ACAD11: variants seen among roughly 807,000 people sequenced by gnomAD.
ACAD11 encodes acyl-Coenzyme A dehydrogenase family, member 11.
A neutral mutation model predicts 102.2 loss-of-function variants in ACAD11; 83 were observed. The observed-to-expected ratio is 0.81, with a 90% CI of 0.68 to 0.97. The LOEUF is 0.97. Ranked by LOEUF, ACAD11 falls within the 50% of genes least tolerant of loss-of-function variation. The probability of loss-of-function intolerance (pLI) is 0.00; values close to 1 mark genes in which losing one functional copy is unlikely to be tolerated. For missense variants in ACAD11, 901 were observed against 951.7 expected (o/e 0.95, Z 0.70); for synonymous variants, 324 against 319.8 (o/e 1.01, Z -0.14).
intron 1 of ACAD11, among the ~76,000 whole-genome samples, chr3:132,651,507 A>C (rs946540801): frequency 3.3e-5 from 5 of 152,192 alleles, no homozygotes; most frequent in African/African-American, 1.2e-4. Flanking sequence ...ATCAACAGTA[A>C]AAGCACTGAA....
chr3:132,577,057 T>G, intron 15 of ACAD11, 42 bp from the exon 16 acceptor site: 1 of 1,176,358 alleles, frequency 8.5e-7, no homozygotes, highest in Non-Finnish European at 1.2e-6. Context: ...AGGAGTTGAC[T>G]AAAAAAGAGT....
intron 11 of ACAD11, among the ~76,000 whole-genome samples, chr3:132,611,174 C>T (rs1052195481): frequency 3.0e-4 from 46 of 152,078 alleles, no homozygotes; most frequent in African/African-American, 9.7e-4. Context: ...AATTCAACAA[C>T]GCTTCATGCT....
chr3:132,612,053 C>T lies in ACAD11; in HGVS notation c.1414+6581G>A, dbSNP rs950175660. Among the ~76,000 whole-genome samples, 35 of 151,956 alleles carry T rather than the reference C, an allele frequency of 2.3e-4. 1 individual carries two copies. Among genetic ancestry groups the T allele is most frequent in the African/African-American group, 8.2e-4 (34 of 41,336 alleles). On this transcript the variant is annotated intron_variant, in intron 11 of 19. Coordinates refer to ENST00000264990, the MANE Select transcript of ACAD11 (RefSeq NM_032169.5). ...TACAGACCAATGGAACAGAACAGAG[C>T]CCTCAGAAATAATGCCGCATATCTA...
intron 13 of ACAD11, among the ~76,000 whole-genome samples, chr3:132,580,771 G>T (rs923733250): frequency 1.3e-5 from 2 of 151,964 alleles, no homozygotes; most frequent in Non-Finnish European, 2.9e-5. Context: ...ATGGGCAGAA[G>T]TTAATAACAG....
chr3:132,628,316 A>G, intron 8 of ACAD11, 24 bp downstream of exon 8: 1 of 1,559,122 alleles, frequency 6.4e-7, no homozygotes, highest in Non-Finnish European at 8.8e-7. Context: ...AATTTGAGTT[A>G]GCCAAGGAAT....
intron 5 of ACAD11, among the ~76,000 whole-genome samples, chr3:132,633,599 A>AG (rs531314044): frequency 2.0e-3 from 298 of 152,320 alleles, no homozygotes; most frequent in African/African-American, 6.9e-3. Context: ...AAAATGAGTT[A>AG]GGGAGGATTC....
chr3:132,570,415 T>G (rs987531205), intron 17 of ACAD11, among the ~76,000 whole-genome samples: 2 of 152,134 alleles, frequency 1.3e-5, no homozygotes, highest in Non-Finnish European at 2.9e-5. Context: ...TTACGGTGCT[T>G]TGATTCGAGC....
intron 11 of ACAD11, among the ~76,000 whole-genome samples, chr3:132,610,283 T>C (rs896216583): frequency 5.3e-5 from 8 of 152,122 alleles, no homozygotes; most frequent in East Asian, 1.9e-4. Flanking sequence ...AGGAAAGATC[T>C]AAAATTGACA....
At chr3:132,637,561 A>C (rs528314280) in intron 5 of ACAD11, among the ~76,000 whole-genome samples, 1 of 152,312 alleles carries the variant, frequency 6.6e-6, no homozygotes, top group Non-Finnish European at 1.5e-5. Context: ...TTCTAATTAA[A>C]TATATTTTTC....
chr3:132,657,360 C>G (rs538002326), intron 1 of ACAD11, among the ~76,000 whole-genome samples: 1 of 152,132 alleles, frequency 6.6e-6, no homozygotes, highest in Non-Finnish European at 1.5e-5. Context: ...AATATCATAC[C>G]ATCTTAACTC....
intron 1 of ACAD11, among the ~76,000 whole-genome samples, chr3:132,651,925 C>T (rs1040245698): frequency 1.3e-5 from 2 of 152,194 alleles, no homozygotes; most frequent in Admixed American, 6.5e-5. Context: ...AGGGACTTAC[C>T]TTGTCTCAGA....
chr3:132,620,587 A>T (rs1939570415), intron 9 of ACAD11, among the ~76,000 whole-genome samples: 1 of 152,232 alleles, frequency 6.6e-6, no homozygotes, highest in African/African-American at 2.4e-5. Context: ...TAGAGTAATG[A>T]TCAGTCACAG....
intron 13 of ACAD11, among the ~76,000 whole-genome samples, chr3:132,590,320 G>A (rs1047804356): frequency 3.9e-5 from 6 of 152,212 alleles, no homozygotes; most frequent in Admixed American, 6.5e-5. Context: ...AGAGTGGCGC[G>A]ATCTCAGCTC....
chr3:132,633,588 T>A (rs1410087316), intron 5 of ACAD11, among the ~76,000 whole-genome samples: 1 of 152,178 alleles, frequency 6.6e-6, no homozygotes, highest in South Asian at 2.1e-4. Flanking sequence ...GCTGGCCTCA[T>A]AAAATGAGTT....
At chr3:132,595,801 G>T (rs1938277422) in intron 13 of ACAD11, among the ~76,000 whole-genome samples, 1 of 152,160 alleles carries the variant, frequency 6.6e-6, no homozygotes, top group African/African-American at 2.4e-5. Context: ...AATTACAGCT[G>T]CTGGTGAGGT....
chr3:132,591,808 T>G (rs538506199), intron 13 of ACAD11, among the ~76,000 whole-genome samples: 3 of 152,242 alleles, frequency 2.0e-5, no homozygotes, highest in African/African-American at 7.2e-5. Flanking sequence ...GCAGGACTGC[T>G]TGAGCCCCGG....
At chr3:132,648,274 G>T (rs1307451742) in intron 1 of ACAD11, among the ~76,000 whole-genome samples, 1 of 152,128 alleles carries the variant, frequency 6.6e-6, no homozygotes, top group Non-Finnish European at 1.5e-5. Context: ...TTCCAGTTCA[G>T]ATGCAGTTTA....
At chr3:132,646,780 G>C (rs943597380) in intron 1 of ACAD11, among the ~76,000 whole-genome samples, 1 of 152,168 alleles carries the variant, frequency 6.6e-6, no homozygotes, top group East Asian at 1.9e-4. Flanking sequence ...ATAAAATGCC[G>C]ATCCATGCTA....
At chr3:132,631,043 C>T (rs1287475700) in intron 6 of ACAD11, among the ~76,000 whole-genome samples, 1 of 152,104 alleles carries the variant, frequency 6.6e-6, no homozygotes, top group Non-Finnish European at 1.5e-5. Context: ...TGTACTCCAG[C>T]CCGGGTGACA....
Sources: allele counts gnomAD v4.1 joint callset (sites outside exome capture counted in the v4.1 genomes callset), GRCh38; gene constraint gnomAD v4.1.1; transcripts MANE v1.5; gene names NCBI Gene and HGNC (gene_info 2026-07-23, HGNC 2026-07-21).